Variants in BRWD1 observed in about 807,000 individuals in gnomAD.
BRWD1 encodes bromodomain and WD repeat-containing protein 1.
BRWD1 carries 82 observed loss-of-function variants against 251.2 expected under a neutral mutation model. That is an observed-to-expected ratio of 0.33 (90% CI 0.27 to 0.39). BRWD1 has a LOEUF of 0.39. Among genes scored for constraint, BRWD1 ranks in the 10% least tolerant of loss-of-function variants. The pLI, the probability that BRWD1 is intolerant of heterozygous loss-of-function variation, is 1.00. For missense variants in BRWD1, 2,233 were observed against 2,711.6 expected (o/e 0.82, Z 3.92); for synonymous variants, 918 against 902.8 (o/e 1.02, Z -0.30).
chr21:39,314,614 C>A (rs767683117), upstream of BRWD1: 7 of 340,838 alleles, frequency 2.1e-5, no homozygotes, highest in Admixed American at 8.0e-5. Flanking sequence ...CTATGAGTTT[C>A]CTCCGCGCAT....
rs766287701 is a variant in BRWD1 at position 39,187,408 on chromosome 21, G to C, written c.*8851C>G. 6 of 1,551,078 alleles carry C rather than the reference G, an allele frequency of 3.9e-6. No individual in the cohort carries two copies. The highest frequency in any genetic ancestry group is 2.1e-5 in the Admixed American group (1 of 46,524). On this transcript the variant is annotated 3_prime_UTR_variant, in exon 41 of 41. Transcript: ENST00000342449. ...TTTTGTATTGGGTTCTCTGTCTCTA[G>C]GAACAAATTCTGAAAAATGAGTGAA... is the stretch of plus-strand genomic sequence containing the variant.
intron 21 of BRWD1, among the ~76,000 whole-genome samples, chr21:39,247,027 G>A (rs916916816): frequency 4.0e-5 from 6 of 151,614 alleles, no homozygotes; most frequent in Admixed American, 2.0e-4. Flanking sequence ...GCAGTGAGCC[G>A]AGATCGCGCC....
At position 39,193,425 on chromosome 21, in the gene BRWD1, C is replaced by A. The variant is rs910658506; in HGVS notation, c.*2834G>T. ...TATACCTTTTTAAATAAGGAGGACA[C>A]GAAAAAAGAAAGCTTTGTTAACACT... On this transcript the variant is annotated 3_prime_UTR_variant, in exon 41 of 41. Coordinates refer to ENST00000342449, the MANE Select transcript of BRWD1 (RefSeq NM_033656.4). 6.1e-6 allele frequency: 6 copies of A among 984,384 alleles called. No homozygotes were observed. The highest frequency in any genetic ancestry group is 9.4e-5 in the South Asian group (2 of 21,256). 61.0% of individuals were successfully genotyped at this position (984,384 alleles called of 1,614,324 possible).
intron 29 of BRWD1, 38 bp from the exon 30 acceptor site, chr21:39,218,698 A>C (rs35571600): frequency 0.33 from 492,300 of 1,492,104 alleles, 85,689 homozygotes; most frequent in Non-Finnish European, 0.36. Context: ...GGAAGAAAAA[A>C]ACACAAAAAA....
chr21:39,191,708 T>C lies in BRWD1; in HGVS notation c.*4551A>G. On this transcript the variant is annotated 3_prime_UTR_variant, in exon 41 of 41. Coordinates refer to ENST00000342449, the MANE Select transcript of BRWD1 (RefSeq NM_033656.4). ...TCAAAAAAGGTAATTTTTAAAATGA[T>C]TTACCTTGTAAAACAAAGGGGTAGA... The C allele has an allele frequency of 9.1e-6, 9 of 985,286 alleles. No homozygotes were observed. Among genetic ancestry groups the C allele is most frequent in the Non-Finnish European group, 1.1e-5 (9 of 829,832 alleles). 61.0% of individuals were successfully genotyped at this position (985,286 alleles called of 1,614,324 possible).
intron 21 of BRWD1, among the ~76,000 whole-genome samples, chr21:39,246,892 C>T (rs1293645244): frequency 6.6e-6 from 1 of 152,144 alleles, no homozygotes; most frequent in Non-Finnish European, 1.5e-5. Context: ...ACCATCCTAG[C>T]CAACATGGTG....
chr21:39,267,198 TAATCAAAGGTCTAAGAACCTGAG>T (rs544549218), intron 15 of BRWD1, among the ~76,000 whole-genome samples: 2,695 of 152,098 alleles, frequency 0.018, 86 homozygotes, highest in African/African-American at 0.061. Context: ...AGAATGCATT[TAATCAAAGGTCTAAGAACCTGAG>T]AATCAAAGGT....
At chr21:39,246,867 G>A (rs934083091) in intron 21 of BRWD1, among the ~76,000 whole-genome samples, 8 of 152,172 alleles carry the variant, frequency 5.3e-5, no homozygotes, top group African/African-American at 1.7e-4. Context: ...TGGATCACAA[G>A]GTCAAGAGAT....
In BRWD1 at chr21:39,232,372, C is replaced by T; in HGVS notation, c.2892+1G>A. The T allele has an allele frequency of 6.3e-7, 1 of 1,595,452 alleles. No individual in the cohort carries two copies. The highest frequency in any genetic ancestry group is 8.5e-7 in the Non-Finnish European group (1 of 1,175,194). ...TGTTTTTAAATTTGTATTACTCTCA[C>T]CTCATCACCCATTTGAGGAACAAAA... On this transcript the variant is annotated splice_donor_variant, in intron 24 of 40. Coordinates refer to ENST00000342449, the MANE Select transcript of BRWD1 (RefSeq NM_033656.4). LOFTEE classifies it high-confidence loss of function.
rs903527083 is a variant in BRWD1 at position 39,207,007 on chromosome 21, T to A, written c.4198-733A>T. Among the ~76,000 whole-genome samples the A allele has an allele frequency of 3.9e-5, 6 of 152,236 alleles. No homozygotes were observed. In the South Asian group the frequency reaches 1.2e-3, roughly 31 times the overall value. ...ACACTCCAATACCAGAAAACTTTTT[T>A]AAAAAGTATGTGAGATATACGAATT... is the stretch of plus-strand genomic sequence containing the variant. On this transcript the variant is annotated intron_variant, in intron 36 of 40. Coordinates refer to ENST00000342449, the MANE Select transcript of BRWD1 (RefSeq NM_033656.4).
intron 4 of BRWD1, among the ~76,000 whole-genome samples, chr21:39,310,589 A>G (rs1601516255): frequency 6.7e-6 from 1 of 149,372 alleles, no homozygotes; most frequent in East Asian, 1.9e-4. Context: ...GCTGCTCCTC[A>G]AAACAGACTG....
In BRWD1 at chr21:39,198,987, G is replaced by A. The variant is rs376668199; in HGVS notation, c.5429C>T (p.Ala1810Val). The change falls in exon 40 of 41, where the codon GCG becomes GTG. Residue 1810 changes from alanine to valine, a missense_variant. Transcript: ENST00000342449. Reference sequence around the variant, plus strand: ...AATCTTGGTTTTTTTAAAGAAACTCGCATTCTTGTGAAATGTATTGTATTT... The same window carrying A: ...AATCTTGGTTTTTTTAAAGAAACTCACATTCTTGTGAAATGTATTGTATTT... ...GRKYNTFHKN[A>V]SFFKKTKILS... 70 of 1,613,774 alleles carry A rather than the reference G, an allele frequency of 4.3e-5. No homozygotes were observed. The highest frequency in any genetic ancestry group is 8.0e-5 in the African/African-American group (6 of 74,830).
chr21:39,188,941 A>G lies in BRWD1; in HGVS notation c.*7318T>C, dbSNP rs1178192536. 1 of 985,258 alleles carries G rather than the reference A, an allele frequency of 1.0e-6. No individual in the cohort carries two copies. The highest frequency in any genetic ancestry group is 1.2e-6 in the Non-Finnish European group (1 of 829,914). 61.0% of individuals were successfully genotyped at this position (985,258 alleles called of 1,614,324 possible). On this transcript the variant is annotated 3_prime_UTR_variant, in exon 41 of 41. Transcript: ENST00000342449. ...ACTCATCACGGCATTACTCTCATGC[A>G]GCATGCCCTTACCTCCTTCAGCTGG...
chr21:39,304,001 C>T (rs888838706), intron 4 of BRWD1, among the ~76,000 whole-genome samples: 15 of 151,312 alleles, frequency 9.9e-5, no homozygotes, highest in Non-Finnish European at 2.1e-4. Flanking sequence ...ATGAGCCAGG[C>T]GTGGTGGCGG....
chr21:39,260,025 T>C (rs892095839), intron 17 of BRWD1, among the ~76,000 whole-genome samples: 5 of 152,096 alleles, frequency 3.3e-5, no homozygotes, highest in African/African-American at 9.7e-5. Flanking sequence ...TGCATATCAC[T>C]GATAATGTCT....
intron 25 of BRWD1, 151 bp downstream of exon 25, chr21:39,232,026 A>G: frequency 2.7e-6 from 2 of 738,898 alleles, no homozygotes; most frequent in Non-Finnish European, 4.4e-6. Flanking sequence ...CCATTCCCAC[A>G]GGATCTTAAG....
At position 39,188,294 on chromosome 21, in the gene BRWD1, T is replaced by C. The variant is rs539355306; in HGVS notation, c.*7965A>G. On this transcript the variant is annotated 3_prime_UTR_variant, in exon 41 of 41. Coordinates refer to ENST00000342449, the MANE Select transcript of BRWD1 (RefSeq NM_033656.4). ...CCTTCATGGTACACACCAATCTTGATGGCAGTTTGTTTTGTAGGACCCTGC... is the reference window on the plus strand; with the variant it reads ...CCTTCATGGTACACACCAATCTTGACGGCAGTTTGTTTTGTAGGACCCTGC... 1 of 985,398 alleles carries C rather than the reference T, an allele frequency of 1.0e-6. No individual in the cohort carries two copies. Among genetic ancestry groups the C allele is most frequent in the African/African-American group, 1.7e-5 (1 of 57,348 alleles). The allele number at this position is 985,398 out of a possible 1,614,324, so 61.0% of individuals were successfully genotyped here. A position where few individuals can be genotyped will look rare whatever the true frequency, so the allele number is the denominator to read the frequency against.
At chr21:39,319,788 A>G (rs1294408208) in intron 1 of BRWD1, among the ~76,000 whole-genome samples, 4 of 152,152 alleles carry the variant, frequency 2.6e-5, no homozygotes, top group East Asian at 1.9e-4. Flanking sequence ...CAGGCCCTCA[A>G]TCATCAACAA....
chr21:39,312,662 A>C lies in BRWD1; in HGVS notation c.198+179T>G. 9.4e-6 allele frequency: 4 copies of C among 427,476 alleles called. No individual in the cohort carries two copies. In the South Asian group the frequency reaches 1.1e-4, roughly 12 times the overall value. 26.5% of individuals were successfully genotyped at this position (427,476 alleles called of 1,614,324 possible). ...CCCAATGACTGTTTCCTGCCAAAACAAACCTGGCCGCCTCAAAAACAAAAC... is the reference window on the plus strand; with the variant it reads ...CCCAATGACTGTTTCCTGCCAAAACCAACCTGGCCGCCTCAAAAACAAAAC... On this transcript the variant is annotated intron_variant, in intron 4 of 40. Coordinates refer to ENST00000342449, the MANE Select transcript of BRWD1 (RefSeq NM_033656.4).
Sources: gnomAD v4.1 joint callset for allele counts (sites outside exome capture counted in the v4.1 genomes callset) on GRCh38, gnomAD v4.1.1 for gene constraint, MANE v1.5 for transcripts, NCBI Gene and HGNC (gene_info 2026-07-23, HGNC 2026-07-21) for gene names.